Variants in CNTLN observed in about 807,000 individuals in gnomAD.
CNTLN encodes the protein centlein.
Under a neutral mutation model 180.0 loss-of-function variants are expected in CNTLN, and 212 were observed. The ratio of observed to expected loss-of-function variants is 1.18; its 90% confidence interval spans 1.05 to 1.32. The LOEUF is 1.32. Ranked by LOEUF, CNTLN falls within the 40% of genes most tolerant of loss-of-function variation. The pLI, the probability that CNTLN is intolerant of heterozygous loss-of-function variation, is 0.00. For synonymous variants in CNTLN, 722 were observed against 563.1 expected (o/e 1.28, Z -3.99); for missense variants, 2,095 against 1,610.9 (o/e 1.30, Z -5.14).
At chr9:17,219,519 A>G (rs983671856) in intron 2 of CNTLN, among the ~76,000 whole-genome samples, 1 of 152,108 alleles carries the variant, frequency 6.6e-6, no homozygotes, top group African/African-American at 2.4e-5. Flanking sequence ...TTTCAAAATT[A>G]TAACATATTA....
At chr9:17,315,014 T>G (rs1819449074) in intron 8 of CNTLN, among the ~76,000 whole-genome samples, 2 of 152,190 alleles carry the variant, frequency 1.3e-5, no homozygotes, top group South Asian at 4.1e-4. Flanking sequence ...ATACATCTAT[T>G]TTACCCCATA....
intron 2 of CNTLN, among the ~76,000 whole-genome samples, chr9:17,162,145 C>T (rs1819724846): frequency 1.3e-5 from 2 of 151,816 alleles, no homozygotes; most frequent in Admixed American, 6.6e-5. Context: ...GACAGAGTCT[C>T]GCTCTGTCAC....
At chr9:17,269,151 G>C (rs1034574882) in intron 5 of CNTLN, among the ~76,000 whole-genome samples, 1 of 152,098 alleles carries the variant, frequency 6.6e-6, no homozygotes, top group Non-Finnish European at 1.5e-5. Flanking sequence ...ACTGTAGACC[G>C]GAGCTGTTCC....
chr9:17,217,481 G>T (rs139913325), intron 2 of CNTLN, among the ~76,000 whole-genome samples: 2 of 152,336 alleles, frequency 1.3e-5, no homozygotes, highest in East Asian at 3.9e-4. Context: ...GTACCAACTG[G>T]ATGGCTGCTC....
chr9:17,473,883 T>G (rs1832176361), intron 23 of CNTLN, among the ~76,000 whole-genome samples: 1 of 152,224 alleles, frequency 6.6e-6, no homozygotes, highest in Non-Finnish European at 1.5e-5. Context: ...TGGGAGCATT[T>G]GATATCGTTG....
intron 22 of CNTLN, among the ~76,000 whole-genome samples, 181 bp from the exon 23 acceptor site, chr9:17,466,525 A>G (rs879618207): frequency 2.0e-5 from 3 of 151,572 alleles, no homozygotes; most frequent in Admixed American, 6.6e-5. Flanking sequence ...GATGATAAGT[A>G]TATGAGAATA....
chr9:17,277,368 A>T (rs1828378660), intron 6 of CNTLN, among the ~76,000 whole-genome samples: 1 of 152,098 alleles, frequency 6.6e-6, no homozygotes, highest in Non-Finnish European at 1.5e-5. Flanking sequence ...TGGTTCAGAA[A>T]ATCTTCAGAC....
At chr9:17,173,007 A>AT (rs138326619) in intron 2 of CNTLN, among the ~76,000 whole-genome samples, 1 of 152,182 alleles carries the variant, frequency 6.6e-6, no homozygotes, top group African/African-American at 2.4e-5. Flanking sequence ...ATTTCTACAA[A>AT]TTTTTTGTGG....
At chr9:17,383,356 C>CAAA (rs1055171924) in intron 13 of CNTLN, among the ~76,000 whole-genome samples, 2 of 142,364 alleles carry the variant, frequency 1.4e-5, no homozygotes, top group African/African-American at 5.1e-5. Context: ...CTGTCTCTAC[C>CAAA]AAAAAAAAAA....
intron 12 of CNTLN, among the ~76,000 whole-genome samples, chr9:17,352,646 T>A (rs1822477425): frequency 6.6e-6 from 1 of 152,128 alleles, no homozygotes; most frequent in African/African-American, 2.4e-5. Flanking sequence ...GAACTTTAAT[T>A]CAAAAGCATT....
At chr9:17,464,763 G>C (rs1413022718) in intron 21 of CNTLN, 140 bp downstream of exon 21, 1 of 475,434 alleles carries the variant, frequency 2.1e-6, no homozygotes, top group African/African-American at 2.0e-5. Flanking sequence ...AACACTCTTT[G>C]CTCTGAAAGT....
rs138543773 is a variant in CNTLN at position 17,411,544 on chromosome 9, G to A, written c.2796+2071G>A. On this transcript the variant is annotated intron_variant, in intron 16 of 25. Transcript: ENST00000380647. ...ATCCCTAACCCCTGGGCTGCAGACT[G>A]GCACCTGTTGTGGCCTGCTAGGAAC... Among the ~76,000 whole-genome samples the A allele has an allele frequency of 3.0e-3, 455 of 152,270 alleles. 3 individuals carry two copies. The highest frequency in any genetic ancestry group is 0.01 in the African/African-American group (425 of 41,556).
intron 2 of CNTLN, among the ~76,000 whole-genome samples, chr9:17,190,050 A>T (rs1821698288): frequency 6.6e-6 from 1 of 151,182 alleles, no homozygotes; most frequent in Non-Finnish European, 1.5e-5. Flanking sequence ...GGCAAATTCT[A>T]CCTGCCTTGA....
intron 14 of CNTLN, among the ~76,000 whole-genome samples, chr9:17,393,847 G>C (rs1237776536): frequency 6.6e-6 from 1 of 152,090 alleles, no homozygotes; most frequent in Non-Finnish European, 1.5e-5. Flanking sequence ...GTATGCAGGT[G>C]TTGGTCTTTT....
At chr9:17,168,920 A>T (rs1202544978) in intron 2 of CNTLN, among the ~76,000 whole-genome samples, 1 of 152,206 alleles carries the variant, frequency 6.6e-6, no homozygotes, top group African/African-American at 2.4e-5. Flanking sequence ...AACAAATTAC[A>T]GGGGCAGGAG....
At chr9:17,144,816 T>G (rs1818335576) in intron 2 of CNTLN, among the ~76,000 whole-genome samples, 1 of 150,740 alleles carries the variant, frequency 6.6e-6, no homozygotes, top group Non-Finnish European at 1.5e-5. Context: ...TTTATTTATT[T>G]ATTTTATTTT....
At chr9:17,522,445 A>G in the CNTLN span, among the ~76,000 whole-genome samples, 1 of 152,202 alleles carries the variant, frequency 6.6e-6, no homozygotes, top group Non-Finnish European at 1.5e-5. Context: ...CTTTACTGCT[A>G]TGCCATCCTG....
chr9:17,163,360 C>G (rs1819816485), intron 2 of CNTLN, among the ~76,000 whole-genome samples: 1 of 152,164 alleles, frequency 6.6e-6, no homozygotes, highest in African/African-American at 2.4e-5. Context: ...CTCTTCCCCC[C>G]ATTTTTAGAA....
intron 6 of CNTLN, among the ~76,000 whole-genome samples, chr9:17,294,531 A>C (rs1228680265): frequency 6.6e-6 from 1 of 151,320 alleles, no homozygotes; most frequent in Non-Finnish European, 1.5e-5. Flanking sequence ...AGCTAGATAC[A>C]GAGTGCTGAT....
Sources: allele counts gnomAD v4.1 joint callset (sites outside exome capture counted in the v4.1 genomes callset), GRCh38; gene constraint gnomAD v4.1.1; transcripts MANE v1.5; gene names NCBI Gene and HGNC (gene_info 2026-07-23, HGNC 2026-07-21).